The following KCNH4 variants were observed in gnomAD, a reference collection of about 807,000 sequenced individuals.
The protein encoded by KCNH4 is potassium voltage-gated channel subfamily H member 4, also known as voltage-gated delayed rectifier potassium channel KCNH4.
KCNH4 carries 33 observed loss-of-function variants against 90.7 expected under a neutral mutation model. That is an observed-to-expected ratio of 0.36 (90% CI 0.28 to 0.49). The LOEUF is 0.49. Among genes scored for constraint, KCNH4 ranks in the 20% least tolerant of loss-of-function variants. The pLI, the probability that KCNH4 is intolerant of heterozygous loss-of-function variation, is 0.98. For missense variants in KCNH4, 1,044 were observed against 1,387.1 expected (o/e 0.75, Z 3.93); for synonymous variants, 551 against 581.7 (o/e 0.95, Z 0.76).
In KCNH4 at chr17:42,178,802, G is replaced by T. The variant is rs1018292209; in HGVS notation, c.301C>A (p.Arg101Ser). The T allele has an allele frequency of 6.2e-7, 1 of 1,612,926 alleles. No individual in the cohort carries two copies. Among genetic ancestry groups the T allele is most frequent in the Non-Finnish European group, 8.5e-7 (1 of 1,179,578 alleles). Residue 101 changes from arginine (R) to serine (S), a missense_variant, in exon 2 of 17, where the codon CGC becomes AGC. Physicochemically the swap from Arg to Ser is moderately radical, Grantham distance 110. This residue lies in a region of KCNH4 where 283 missense variants were observed against 378.6 expected (regional missense o/e 0.75). Transcript: ENST00000264661. ...QEHRAEICFY[R>S]KDGSAFWCLL... is the part of the protein sequence containing the mutation. ...GGGTGAGCCCCCTCACCATCCTTGC[G>T]GTAGAAGCAGATTTCAGCCCGGTGC...
chr17:42,171,155 G>T (rs2079824314), intron 7 of KCNH4, among the ~76,000 whole-genome samples: 2 of 152,242 alleles, frequency 1.3e-5, no homozygotes, highest in South Asian at 4.2e-4. Flanking sequence ...GAGGATGGTG[G>T]TTGTGGGGGG....
In KCNH4 at chr17:42,178,778, G is replaced by A; in HGVS notation, c.310+15C>T. ...GGGTCTAGGCAGAGCTGCAGGGTGGGGTGAGCCCCCTCACCATCCTTGCGG... is the reference window on the plus strand; with the variant it reads ...GGGTCTAGGCAGAGCTGCAGGGTGGAGTGAGCCCCCTCACCATCCTTGCGG... On this transcript the variant is annotated intron_variant, in intron 2 of 16. Transcript: ENST00000264661. 4 of 1,603,220 alleles carry A rather than the reference G, an allele frequency of 2.5e-6. No individual in the cohort carries two copies. The highest frequency in any genetic ancestry group is 1.1e-5 in the South Asian group (1 of 90,808).
intron 16 of KCNH4, among the ~76,000 whole-genome samples, chr17:42,158,605 GC>G (rs1432032296): frequency 1.3e-5 from 2 of 151,216 alleles, no homozygotes; most frequent in Non-Finnish European, 2.9e-5. Flanking sequence ...GGAGGACGAG[GC>G]AGGCGGATCA....
Position 42,163,585 on chromosome 17 carries a change from C to G in KCNH4, c.2477+21G>C, listed in dbSNP as rs756515599. 1 of 1,140,814 alleles carries G rather than the reference C, an allele frequency of 8.8e-7. No individual in the cohort carries two copies. The highest frequency in any genetic ancestry group is 2.4e-5 in the Admixed American group (1 of 42,342). 70.7% of individuals were successfully genotyped at this position (1,140,814 alleles called of 1,614,324 possible). ...GAAGCCAATAGGGGTTTTGGGAAAG[C>G]AGGGGAGGCTGGCGTCTCACCGGGG... On this transcript the variant is annotated intron_variant, in intron 13 of 16. Transcript: ENST00000264661. The surrounding 1 kb of genome is among the most constrained non-coding windows in gnomAD (Gnocchi z 5.4).
Position 42,162,334 on chromosome 17 carries a change from G to A in KCNH4, c.2585-13C>T. On this transcript the variant is annotated splice_polypyrimidine_tract_variant and intron_variant, in intron 14 of 16. Transcript: ENST00000264661. The stretch of plus-strand genomic sequence containing the variant: ...CTGGGCCTGGTCCCTGCAGGGTGAA[G>A]GGATGCAGGTGAGTTCATGGAGCAT... 6.2e-7 allele frequency: 1 copy of A among 1,612,206 alleles called. No homozygotes were observed. Among genetic ancestry groups the A allele is most frequent in the Non-Finnish European group, 8.5e-7 (1 of 1,178,524 alleles).
chr17:42,171,937 T>TGCAGCAGCC lies in KCNH4; in HGVS notation c.1037_1045dup (p.Arg346_Leu348dup). The TGCAGCAGCC allele has an allele frequency of 6.2e-7, 1 of 1,608,504 alleles. No individual in the cohort carries two copies. Among genetic ancestry groups the TGCAGCAGCC allele is most frequent in the Non-Finnish European group, 8.5e-7 (1 of 1,178,158 alleles). On this transcript the variant is annotated inframe_insertion, in exon 7 of 17. Coordinates refer to ENST00000264661, the MANE Select transcript of KCNH4 (RefSeq NM_012285.3). ...GCACTGAGAGTACCGCTCCAGCTTC[T>TGCAGCAGCC]GCAGCAGCCGCAGCAGCCGCAACAG...
chr17:42,170,818 C>T (rs1721720848), intron 7 of KCNH4, among the ~76,000 whole-genome samples: 1 of 152,222 alleles, frequency 6.6e-6, no homozygotes, highest in Admixed American at 6.5e-5. Flanking sequence ...ACCGAAGGAA[C>T]ATTGTTCCAA....
rs2079896030 is a variant in KCNH4, at chr17:42,180,784, C to G, written c.76+86G>C. 2 of 1,360,194 alleles carry G rather than the reference C, an allele frequency of 1.5e-6. No individual in the cohort carries two copies. Among genetic ancestry groups the G allele is most frequent in the Non-Finnish European group, 2.1e-6 (2 of 956,152 alleles). The allele number at this position is 1,360,194 out of a possible 1,614,324, so 84.3% of individuals were successfully genotyped here. A position where few individuals can be genotyped will look rare whatever the true frequency, so the allele number is the denominator to read the frequency against. Reference sequence around the variant, plus strand: ...TCCATTCTCTCCCCTCGCCTCGGGTCTCACCATGTCCAGGAGATCCGAGAC... The same window carrying G: ...TCCATTCTCTCCCCTCGCCTCGGGTGTCACCATGTCCAGGAGATCCGAGAC... On this transcript the variant is annotated intron_variant, in intron 1 of 16. Transcript: ENST00000264661. This position sits in a 1 kb window ranked among gnomAD's most constrained non-coding sequence, Gnocchi z 4.7.
In KCNH4 at chr17:42,162,601, T is replaced by G. The variant is rs185977253; in HGVS notation, c.2585-280A>C. On this transcript the variant is annotated intron_variant, in intron 14 of 16. Coordinates refer to ENST00000264661, the MANE Select transcript of KCNH4 (RefSeq NM_012285.3). The stretch of plus-strand genomic sequence containing the variant: ...CATGCCTTTCAACAATTGTTTTTGT[T>G]TTTTTTTTTGAGATGGGGTCTCACT... Among the ~76,000 whole-genome samples, 304 of 150,482 alleles carry G rather than the reference T, an allele frequency of 2.0e-3. 2 individuals are homozygous for G. The highest frequency in any genetic ancestry group is 0.01 in the Middle Eastern group (3 of 288).
chr17:42,160,489 A>AC lies in KCNH4; in HGVS notation c.2659-55dup, dbSNP rs888935600. The AC allele has an allele frequency of 1.7e-5, 25 of 1,507,526 alleles. No homozygotes were observed. The African/African-American group carries it at 1.8e-4, about 11-fold the overall frequency. 93.4% of individuals were successfully genotyped at this position (1,507,526 alleles called of 1,614,324 possible). On this transcript the variant is annotated intron_variant, in intron 15 of 16. Transcript: ENST00000264661. Reference sequence around the variant, plus strand: ...AGGTGCCACAGTAATAACAAGGTGCACCCCCCTCTCCAGTTTACAAAGCTC... The same window carrying AC: ...AGGTGCCACAGTAATAACAAGGTGCACCCCCCCTCTCCAGTTTACAAAGCTC...
chr17:42,175,317 C>A (rs902455766), intron 6 of KCNH4, among the ~76,000 whole-genome samples: 2 of 152,228 alleles, frequency 1.3e-5, no homozygotes, highest in Non-Finnish European at 2.9e-5. Flanking sequence ...GGCATCAGAC[C>A]AATGCCGCCT....
chr17:42,158,856 A>C (rs115764722), intron 16 of KCNH4, among the ~76,000 whole-genome samples: 5 of 149,812 alleles, frequency 3.3e-5, no homozygotes. Context: ...ATATATATAT[A>C]TTTTTTTTAT....
chr17:42,165,789 T>C, intron 10 of KCNH4, 96 bp from the exon 11 acceptor site: 1 of 1,461,212 alleles, frequency 6.8e-7, no homozygotes, highest in Non-Finnish European at 9.5e-7. Flanking sequence ...GTCAGTGTGT[T>C]TGAAGGATGG....
At position 42,171,985 on chromosome 17, in the gene KCNH4, AC is replaced by A; in HGVS notation, c.997del (p.Val333CysfsTer4). 1 of 1,599,488 alleles carries A rather than the reference AC, an allele frequency of 6.3e-7. No homozygotes were observed. Among genetic ancestry groups the A allele is most frequent in the Non-Finnish European group, 8.5e-7 (1 of 1,173,764 alleles). On this transcript the variant is annotated frameshift_variant, in exon 7 of 17. Coordinates refer to ENST00000264661, the MANE Select transcript of KCNH4 (RefSeq NM_012285.3). LOFTEE classifies it high-confidence loss of function. ...CAGCCGCACTGTCTTCAGTAGGTGC[AC>A]CAGCGAGGTCTGCAGGAAGGTGGCG... ...YIFNITVTSL[V>X]HLLKTVRLLR...
At position 42,159,891 on chromosome 17, in the gene KCNH4, C is replaced by T; in HGVS notation, c.*149G>A. ...GAAAAGGGAATAGCGTCAGAGGTAA[C>T]CACGCTTCATTAAAAAGTCCAGAAA... On this transcript the variant is annotated 3_prime_UTR_variant, in exon 16 of 17. Transcript: ENST00000264661. 1.9e-6 allele frequency: 1 copy of T among 538,358 alleles called. No homozygotes were observed. Among genetic ancestry groups the T allele is most frequent in the Non-Finnish European group, 3.1e-6 (1 of 324,780 alleles). The allele number at this position is 538,358 out of a possible 1,614,324, so 33.3% of individuals were successfully genotyped here.
At position 42,160,211 on chromosome 17, in the gene KCNH4, A is replaced by G. The variant is rs933337744; in HGVS notation, c.2883T>C (p.Ser961=). Residue 961 remains serine, a synonymous_variant, in exon 16 of 17, where the codon AGT becomes AGC. Coordinates refer to ENST00000264661, the MANE Select transcript of KCNH4 (RefSeq NM_012285.3). ...TTLAEVHCPA[S]VGTMETGTAL... ...CAGTCCCTGTCTCCATGGTCCCCAC[A>G]CTGGCTGGGCAGTGAACTTCAGCAA... 4 of 1,613,880 alleles carry G rather than the reference A, an allele frequency of 2.5e-6. No individual in the cohort carries two copies. Among genetic ancestry groups the G allele is most frequent in the African/African-American group, 1.3e-5 (1 of 74,922 alleles).
intron 9 of KCNH4, among the ~76,000 whole-genome samples, chr17:42,168,717 C>T (rs1434838128): frequency 6.6e-6 from 1 of 151,992 alleles, no homozygotes; most frequent in Non-Finnish European, 1.5e-5. Context: ...CAATACCTCA[C>T]CCCCCGGGCC....
chr17:42,160,267 T>C lies in KCNH4; in HGVS notation c.2827A>G (p.Arg943Gly), dbSNP rs2144117314. ...RPPCLSPCAS[R>G]PPPSLQDTTL... The stretch of plus-strand genomic sequence containing the variant: ...GTATCCTGGAGGCTGGGTGGTGGTC[T>C]GGACGCACAAGGAGAGAGGCATGGT... Residue 943 changes from arginine to glycine, a missense_variant, in exon 16 of 17, where the codon AGA becomes GGA. Physicochemically the swap from Arg to Gly is moderately radical, Grantham distance 125 (BLOSUM62 -2). Around this residue, in one of 4 missense-constraint regions of KCNH4, gnomAD observed 441 missense variants for 512.3 expected, o/e 0.86. Transcript: ENST00000264661. The C allele has an allele frequency of 1.2e-6, 2 of 1,614,088 alleles. No individual in the cohort carries two copies. Among genetic ancestry groups the C allele is most frequent in the South Asian group, 2.2e-5 (2 of 91,084 alleles).
chr17:42,177,705 G>A (rs1005718883), intron 4 of KCNH4, among the ~76,000 whole-genome samples: 4 of 152,252 alleles, frequency 2.6e-5, no homozygotes, highest in Admixed American at 2.6e-4. Context: ...CCCTGGCTTG[G>A]TCAGGATCCT....
Sources: allele counts gnomAD v4.1 joint callset (sites outside exome capture counted in the v4.1 genomes callset), GRCh38; gene constraint gnomAD v4.1.1; regional missense constraint gnomAD v4.1.1; non-coding constraint Gnocchi (gnomAD v3.1); transcripts MANE v1.5; gene names NCBI Gene and HGNC (gene_info 2026-07-23, HGNC 2026-07-21).